Variants in ITIH1 observed in about 807,000 individuals in gnomAD.
ITIH1 encodes inter-alpha-trypsin inhibitor heavy chain H1.
Under a neutral mutation model 104.6 loss-of-function variants are expected in ITIH1, and 94 were observed. The ratio of observed to expected loss-of-function variants is 0.90; its 90% CI spans 0.76 to 1.07. The LOEUF is 1.07. Among genes scored for constraint, ITIH1 ranks in the 50% least tolerant of loss-of-function variants. The pLI, the probability that ITIH1 is intolerant of heterozygous loss-of-function variation, is 0.00. For synonymous variants in ITIH1, 455 were observed against 464.4 expected (o/e 0.98, Z 0.26); for missense variants, 1,193 against 1,181.4 (o/e 1.01, Z -0.14).
chr3:52,782,403 C>T (rs570357934), intron 8 of ITIH1, 136 bp downstream of exon 8: 3 of 698,628 alleles, frequency 4.3e-6, no homozygotes, highest in South Asian at 1.8e-5. Context: ...AACAGGAAAT[C>T]CCAGTGGTTA....
In ITIH1 at chr3:52,786,277, C is replaced by T. The variant is rs890370137; in HGVS notation, c.1594-18C>T. ...GCTTATCATGGTGCACCACCCCTCT[C>T]TGTACCTCAACTCTCAGGAGGGACA... is the stretch of plus-strand genomic sequence containing the variant. On this transcript the variant is annotated intron_variant, in intron 12 of 21. Transcript: ENST00000273283. The T allele has an allele frequency of 1.9e-6, 3 of 1,562,920 alleles. No individual in the cohort carries two copies. Among genetic ancestry groups the T allele is most frequent in the African/African-American group, 1.3e-5 (1 of 74,162 alleles).
chr3:52,778,466 C>A lies in ITIH1; in HGVS notation c.265C>A (p.Leu89Met). Residue 89 changes from leucine to methionine, a missense_variant, in exon 3 of 22, where the codon CTG becomes ATG. Leu to Met is a conservative substitution (Grantham distance 15). Transcript: ENST00000273283. ...TGAAGCCAGGGAAGTGGCCTTCGAC[C>A]TGGAAATCCCCAAGACAGCATTCAT... is the stretch of plus-strand genomic sequence containing the variant. ...ANEAREVAFD[L>M]EIPKTAFISD... is the part of the protein sequence containing the mutation. 3.7e-6 allele frequency: 6 copies of A among 1,614,268 alleles called. No homozygotes were observed. Among genetic ancestry groups the A allele is most frequent in the Non-Finnish European group, 5.1e-6 (6 of 1,180,048 alleles).
intron 16 of ITIH1, 157 bp downstream of exon 16, chr3:52,787,769 G>C: frequency 1.0e-6 from 1 of 968,874 alleles, no homozygotes; most frequent in Non-Finnish European, 1.7e-6. Flanking sequence ...TGAGGTCCCT[G>C]GGGGAGGAGA....
rs778525039 is a variant in ITIH1 at position 52,777,663 on chromosome 3, G to A, written c.48G>A (p.Leu16=). ...GPRGLLLCMY[L]VSLLILQAMP... ...GGGGGCTGCTGTTGTGCATGTACCT[G>A]GTATCTCTCCTCATCCTGCAGGCCA... The change falls in exon 1 of 22, where the codon CTG becomes CTA. Residue 16 remains leucine (L), a synonymous_variant. Transcript: ENST00000273283. 8.7e-6 allele frequency: 14 copies of A among 1,605,454 alleles called. No individual in the cohort carries two copies. The highest frequency in any genetic ancestry group is 1.7e-6 in the Non-Finnish European group (2 of 1,176,338).
Position 52,789,796 on chromosome 3 carries a change from C to T in ITIH1, c.2263C>T (p.Pro755Ser), listed in dbSNP as rs1249638828. The T allele has an allele frequency of 5.6e-6, 9 of 1,614,236 alleles. No homozygotes were observed. Among genetic ancestry groups the T allele is most frequent in the Non-Finnish European group, 7.6e-6 (9 of 1,180,044 alleles). The stretch of plus-strand genomic sequence containing the variant: ...GACTCCTCAGAACATTACGCTGAAC[C>T]CCGGCTTTGGTGGGCCTGTGTTTTC... ...EVTPQNITLN[P>S]GFGGPVFSWR... Residue 755 changes from proline (P) to serine (S), a missense_variant, in exon 19 of 22, where the codon CCC becomes TCC. By Grantham distance (74) the Pro-to-Ser change is moderately conservative (BLOSUM62 -1). Coordinates refer to ENST00000273283, the MANE Select transcript of ITIH1 (RefSeq NM_002215.4).
At position 52,778,519 on chromosome 3, in the gene ITIH1, C is replaced by T; in HGVS notation, c.305+13C>T. On this transcript the variant is annotated intron_variant, in intron 3 of 21. Transcript: ENST00000273283. The stretch of plus-strand genomic sequence containing the variant: ...GTGACTTTGCCGTGTGCGTGCCTGC[C>T]CAACTCCCATGCCTTCTCCCAGGGG... 6.2e-7 allele frequency: 1 copy of T among 1,613,846 alleles called. No homozygotes were observed. The highest frequency in any genetic ancestry group is 8.5e-7 in the Non-Finnish European group (1 of 1,179,790).
At chr3:52,783,585 T>C (rs977723453) in intron 10 of ITIH1, among the ~76,000 whole-genome samples, 1 of 152,222 alleles carries the variant, frequency 6.6e-6, no homozygotes, top group Non-Finnish European at 1.5e-5. Flanking sequence ...TATGAGTCCC[T>C]GGAAGATGGG....
At chr3:52,782,923 C>T in intron 8 of ITIH1, 34 bp from the exon 9 acceptor site, 1 of 1,610,178 alleles carries the variant, frequency 6.2e-7, no homozygotes, top group Non-Finnish European at 8.5e-7. Context: ...CACCCTGGGG[C>T]CCTGTCTGTC....
chr3:52,786,745 C>A (rs1443276828), intron 13 of ITIH1, among the ~76,000 whole-genome samples, 200 bp from the exon 14 acceptor site: 1 of 152,218 alleles, frequency 6.6e-6, no homozygotes, highest in African/African-American at 2.4e-5. Context: ...CCCACCGAAT[C>A]TCCAAGTGAT....
At position 52,783,084 on chromosome 3, in the gene ITIH1, A is replaced by G; in HGVS notation, c.1058A>G (p.Gln353Arg). 1 of 1,614,076 alleles carries G rather than the reference A, an allele frequency of 6.2e-7. No individual in the cohort carries two copies. The highest frequency in any genetic ancestry group is 8.5e-7 in the Non-Finnish European group (1 of 1,179,998). The change falls in exon 9 of 22, where the codon CAA becomes CGA. Residue 353 changes from glutamine to arginine, a missense_variant. Coordinates refer to ENST00000273283, the MANE Select transcript of ITIH1 (RefSeq NM_002215.4). ...GTGCAAGCATCTGAGGCCAACCTAC[A>G]AGCAGCTCAAGACTTTGTGCGGGGC... ...SLVQASEANL[Q>R]AAQDFVRGFS...
Position 52,791,943 on chromosome 3 carries a change from G to C in ITIH1, c.*32G>C. ...TGGCCAGCACGCCTGTCCTCCCCCG[G>C]GGCCAAGGCAGAGGAGGAGGACGAC... On this transcript the variant is annotated 3_prime_UTR_variant, in exon 22 of 22. Transcript: ENST00000273283. 6 of 1,593,228 alleles carry C rather than the reference G, an allele frequency of 3.8e-6. No homozygotes were observed. The highest frequency in any genetic ancestry group is 5.1e-6 in the Non-Finnish European group (6 of 1,168,448).
intron 3 of ITIH1, 151 bp downstream of exon 3, chr3:52,778,657 A>G (rs1698964521): frequency 6.8e-7 from 1 of 1,465,622 alleles, no homozygotes; most frequent in Non-Finnish European, 9.0e-7. Context: ...GGGAGGAAGA[A>G]GCCCTTTAGG....
chr3:52,783,042 C>T lies in ITIH1; in HGVS notation c.1016C>T (p.Ser339Leu), dbSNP rs201283173. The T allele has an allele frequency of 5.6e-6, 9 of 1,614,038 alleles. No homozygotes were observed. The East Asian group carries it at 8.9e-5, about 16-fold the overall frequency. Reference protein sequence around the residue: ...DLVLFGTRVQSWKGSLVQASE... With the variant: ...DLVLFGTRVQLWKGSLVQASE... ...GTTCTTTTTGGGACTCGAGTACAATCGTGGAAGGGCTCGCTGGTGCAAGCA... is the reference window on the plus strand; with the variant it reads ...GTTCTTTTTGGGACTCGAGTACAATTGTGGAAGGGCTCGCTGGTGCAAGCA... The change falls in exon 9 of 22, where the codon TCG (serine) becomes TTG (leucine). Residue 339 changes from serine to leucine, a missense_variant. By Grantham distance (145) the Ser-to-Leu change is moderately radical (BLOSUM62 -2). Coordinates refer to ENST00000273283, the MANE Select transcript of ITIH1 (RefSeq NM_002215.4).
chr3:52,778,581 G>C (rs1236194181), intron 3 of ITIH1, 75 bp downstream of exon 3: 1 of 1,592,406 alleles, frequency 6.3e-7, no homozygotes. Context: ...ACAAGGATCG[G>C]AGTGGCCAGA....
At chr3:52,783,489 A>C in intron 10 of ITIH1, 150 bp downstream of exon 10, 2 of 776,720 alleles carry the variant, frequency 2.6e-6, no homozygotes, top group Non-Finnish European at 4.2e-6. Context: ...AACACAGCTC[A>C]GACCACAAAG....
At chr3:52,788,868 T>C (rs917436917) in intron 18 of ITIH1, among the ~76,000 whole-genome samples, 3 of 152,218 alleles carry the variant, frequency 2.0e-5, no homozygotes, top group African/African-American at 7.2e-5. Context: ...GCCAGTTTAA[T>C]GCTCTTCCGT....
chr3:52,782,697 C>CT (rs1699094784), intron 8 of ITIH1, among the ~76,000 whole-genome samples: 2 of 152,132 alleles, frequency 1.3e-5, no homozygotes, highest in South Asian at 4.1e-4. Flanking sequence ...AGCACAGCTC[C>CT]TGGGGTCCTT....
chr3:52,778,345 C>T lies in ITIH1; in HGVS notation c.144C>T (p.Val48=), dbSNP rs199783055. The T allele has an allele frequency of 3.7e-6, 6 of 1,614,152 alleles. No individual in the cohort carries two copies. The highest frequency in any genetic ancestry group is 2.2e-5 in the East Asian group (1 of 44,890). Residue 48 remains valine, a synonymous_variant, in exon 3 of 22, where the codon GTC becomes GTT. Coordinates refer to ENST00000273283, the MANE Select transcript of ITIH1 (RefSeq NM_002215.4). ...SEKRQAVDTA[V]DGVFIRSLKV... ...TCCTTCATGTCTCACTTTAGGCTGT[C>T]GATGGCGTGTTCATCCGGAGTTTGA... is the stretch of plus-strand genomic sequence containing the variant.
In ITIH1 at chr3:52,782,267, G is replaced by A; in HGVS notation, c.930G>A (p.Gln310=). 6.2e-7 allele frequency: 1 copy of A among 1,611,474 alleles called. No individual in the cohort carries two copies. The highest frequency in any genetic ancestry group is 8.5e-7 in the Non-Finnish European group (1 of 1,177,578). Residue 310 remains glutamine (Q), a splice_region_variant and synonymous_variant, in exon 8 of 22, where the codon CAG becomes CAA. Coordinates refer to ENST00000273283, the MANE Select transcript of ITIH1 (RefSeq NM_002215.4). The part of the protein sequence containing the change: ...SGSMRGQKVK[Q]TKEALLKILG... The stretch of plus-strand genomic sequence containing the variant: ...CCATGAGAGGCCAGAAAGTGAAGCA[G>A]GTAGGCTGCAGCTTGAAACAGCTCA...
Sources: gnomAD v4.1 joint callset for allele counts (sites outside exome capture counted in the v4.1 genomes callset) on GRCh38, gnomAD v4.1.1 for gene constraint, MANE v1.5 for transcripts, NCBI Gene and HGNC (gene_info 2026-07-23, HGNC 2026-07-21) for gene names.